Variants in TRIM66 observed in about 807,000 individuals in gnomAD.
The protein encoded by TRIM66 is tripartite motif containing 66.
In TRIM66, 99 loss-of-function variants were observed where a neutral mutation model predicts 148.2. The observed-to-expected ratio is 0.67, with a 90% CI of 0.57 to 0.79. The LOEUF (loss-of-function observed/expected upper bound fraction) is 0.79, where lower values mean the gene tolerates loss of function less well. Ranked by LOEUF, TRIM66 falls within the 30% of genes least tolerant of loss-of-function variation. TRIM66 has a pLI of 0.00. For missense variants in TRIM66, 1,666 were observed against 1,697.9 expected (o/e 0.98, Z 0.33); for synonymous variants, 616 against 635.9 (o/e 0.97, Z 0.47).
chr11:8,624,914 A>C lies in TRIM66; in HGVS notation c.2625T>G (p.Ser875Arg). Residue 875 changes from serine to arginine, a missense_variant, in exon 16 of 25, where the codon AGT becomes AGG. Around this residue, in one of 3 missense-constraint regions of TRIM66, gnomAD observed 1,431 missense variants for 1,412.4 expected, o/e 1.01. Transcript: ENST00000646038. Reference protein sequence around the residue: ...DSPQAMASLASDHPQAGPSLM... With the variant: ...DSPQAMASLARDHPQAGPSLM... Reference sequence around the variant, plus strand: ...GGCTGGGCCCAGCCTGAGGGTGATCACTTGCCAGGCTTGCCATAGCCTGAG... The same window carrying C: ...GGCTGGGCCCAGCCTGAGGGTGATCCCTTGCCAGGCTTGCCATAGCCTGAG... 1 of 1,551,554 alleles carries C rather than the reference A, an allele frequency of 6.4e-7. No homozygotes were observed. The highest frequency in any genetic ancestry group is 8.7e-7 in the Non-Finnish European group (1 of 1,146,916).
chr11:8,622,361 CACACAT>C (rs1565477027), intron 18 of TRIM66, among the ~76,000 whole-genome samples: 1 of 54,592 alleles, frequency 1.8e-5, no homozygotes, highest in African/African-American at 6.0e-5. Flanking sequence ...CACACACACA[CACACAT>C]ATATATATAT....
chr11:8,620,977 T>C (rs2034153802), intron 20 of TRIM66, 55 bp downstream of exon 20: 2 of 1,517,634 alleles, frequency 1.3e-6, no homozygotes, highest in Admixed American at 2.0e-5. Flanking sequence ...GGAATAATCA[T>C]CCCTGGAAGG....
At chr11:8,666,691 T>C (rs1035485032) in intron 6 of TRIM66, among the ~76,000 whole-genome samples, 15 of 152,178 alleles carry the variant, frequency 9.9e-5, no homozygotes, top group Non-Finnish European at 1.5e-4. Context: ...ACACAGCTAG[T>C]AATGGCAGGC....
In TRIM66 at chr11:8,618,633, C is replaced by T. The variant is rs537224510; in HGVS notation, c.4119+117G>A. ...GGCTAAGGGGCTGGAAGTGAGGGTT[C>T]GTTGTCACCACCATCTTTTTGCACC... is the stretch of plus-strand genomic sequence containing the variant. On this transcript the variant is annotated intron_variant, in intron 24 of 24. Coordinates refer to ENST00000646038, the MANE Select transcript of TRIM66 (RefSeq NM_001388022.1). 4.2e-4 allele frequency: 405 copies of T among 954,594 alleles called. 2 individuals are homozygous for T. The highest frequency in any genetic ancestry group is 6.9e-4 in the Admixed American group (32 of 46,414). The allele number at this position is 954,594 out of a possible 1,614,324, so 59.1% of individuals were successfully genotyped here.
intron 6 of TRIM66, among the ~76,000 whole-genome samples, chr11:8,661,526 A>G (rs2038254577): frequency 6.6e-6 from 1 of 152,174 alleles, no homozygotes; most frequent in African/African-American, 2.4e-5. Flanking sequence ...TCCCTTTTCC[A>G]GCTGGGCCTG....
chr11:8,655,952 G>T (rs1156484765), intron 6 of TRIM66, among the ~76,000 whole-genome samples: 1 of 152,158 alleles, frequency 6.6e-6, no homozygotes, highest in Non-Finnish European at 1.5e-5. Flanking sequence ...CCTCTAAGAG[G>T]GGCTGTGCAG....
At chr11:8,661,885 A>G (rs1055245739) in intron 6 of TRIM66, among the ~76,000 whole-genome samples, 1 of 152,158 alleles carries the variant, frequency 6.6e-6, no homozygotes, top group Non-Finnish European at 1.5e-5. Flanking sequence ...TCCCTCCCTC[A>G]GCAAATCTGT....
intron 6 of TRIM66, among the ~76,000 whole-genome samples, chr11:8,665,985 A>G (rs1223333307): frequency 6.6e-6 from 1 of 152,004 alleles, no homozygotes; most frequent in African/African-American, 2.4e-5. Context: ...TCAACTTTTT[A>G]CCCATAAACG....
At chr11:8,651,105 A>T (rs1185053102) in intron 7 of TRIM66, among the ~76,000 whole-genome samples, 1 of 152,232 alleles carries the variant, frequency 6.6e-6, no homozygotes, top group African/African-American at 2.4e-5. Flanking sequence ...TCTGAATCAC[A>T]GAGGCCACCA....
chr11:8,613,897 TCACA>T lies in TRIM66; in HGVS notation c.*4043_*4046del, dbSNP rs2033558118. 1 of 151,698 alleles carries T rather than the reference TCACA, an allele frequency of 6.6e-6. No homozygotes were observed. The highest frequency in any genetic ancestry group is 2.4e-5 in the African/African-American group (1 of 41,216). The allele number at this position is 151,698 out of a possible 1,614,324, so 9.4% of individuals were successfully genotyped here. A position where few individuals can be genotyped will look rare whatever the true frequency, so the allele number is the denominator to read the frequency against. ...GCATGGGTGGGGAAAAAAAAAGGGA[TCACA>T]ACAAGTTAAAGAATTTCCAGTCAAC... On this transcript the variant is annotated 3_prime_UTR_variant, in exon 25 of 25. Coordinates refer to ENST00000646038, the MANE Select transcript of TRIM66 (RefSeq NM_001388022.1).
rs1486395108 is a variant in TRIM66 at position 8,624,347 on chromosome 11, C to T, written c.3019+12G>A. ...TGTGGCCAACATGAAGGGCAGGCTG[C>T]TTGAGTCTCACCTTTTGGGTTCTGG... On this transcript the variant is annotated intron_variant, in intron 17 of 24. Transcript: ENST00000646038. The T allele has an allele frequency of 1.3e-6, 2 of 1,548,972 alleles. No homozygotes were observed. The highest frequency in any genetic ancestry group is 1.7e-6 in the Non-Finnish European group (2 of 1,146,508).
At chr11:8,619,307 C>T (rs1591995101) in intron 23 of TRIM66, 76 bp downstream of exon 23, 1 of 1,428,194 alleles carries the variant, frequency 7.0e-7, no homozygotes, top group Non-Finnish European at 9.3e-7. Flanking sequence ...CCAAACCTAA[C>T]CTCCCAACCC....
intron 15 of TRIM66, among the ~76,000 whole-genome samples, chr11:8,634,051 G>A (rs1056556557): frequency 2.6e-5 from 4 of 152,166 alleles, no homozygotes; most frequent in Admixed American, 1.3e-4. Flanking sequence ...TGGTGGCCTC[G>A]AAGTCCTCTC....
intron 15 of TRIM66, among the ~76,000 whole-genome samples, chr11:8,637,722 A>G (rs1184858136): frequency 6.6e-6 from 1 of 152,156 alleles, no homozygotes; most frequent in Non-Finnish European, 1.5e-5. Context: ...CCAAGGGTAC[A>G]GGCTGGGAGA....
intron 15 of TRIM66, among the ~76,000 whole-genome samples, chr11:8,636,991 C>A (rs2035936260): frequency 6.6e-6 from 1 of 152,112 alleles, no homozygotes; most frequent in Non-Finnish European, 1.5e-5. Flanking sequence ...TTCTGAAGCT[C>A]CCTAGTTGCC....
chr11:8,650,976 T>A (rs2037307633), intron 7 of TRIM66, among the ~76,000 whole-genome samples: 1 of 152,244 alleles, frequency 6.6e-6, no homozygotes, highest in Non-Finnish European at 1.5e-5. Context: ...CTGCCTGATC[T>A]GAGGGTACCT....
chr11:8,682,911 G>C (rs947944336), upstream of TRIM66: 11 of 1,462,640 alleles, frequency 7.5e-6, no homozygotes, highest in African/African-American at 4.3e-5. Context: ...TACCATGGTC[G>C]GGGCTTCCAG....
intron 6 of TRIM66, among the ~76,000 whole-genome samples, chr11:8,668,637 G>C (rs1187568954): frequency 1.3e-5 from 2 of 151,388 alleles, no homozygotes; most frequent in Non-Finnish European, 2.9e-5. Context: ...CCAGGCTGGA[G>C]TGCAGTGGTG....
intron 8 of TRIM66, 117 bp downstream of exon 8, chr11:8,649,623 C>T: frequency 7.3e-7 from 1 of 1,364,128 alleles, no homozygotes; most frequent in South Asian, 1.5e-5. Context: ...GGCTCTGAGA[C>T]TGTCCCTACC....
Sources: allele counts gnomAD v4.1 joint callset (sites outside exome capture counted in the v4.1 genomes callset), GRCh38; gene constraint gnomAD v4.1.1; regional missense constraint gnomAD v4.1.1; transcripts MANE v1.5; gene names NCBI Gene and HGNC (gene_info 2026-07-23, HGNC 2026-07-21).